The following MAML2 variants were observed in gnomAD, a reference collection of about 807,000 sequenced individuals.
MAML2 encodes mastermind like transcriptional coactivator 2.
A neutral mutation model predicts 96.1 loss-of-function variants in MAML2; 22 were observed. That is an observed-to-expected ratio of 0.23 (90% confidence interval 0.16 to 0.33). The LOEUF is 0.33. MAML2 is among the 10% of genes least tolerant of loss of function. The probability of loss-of-function intolerance (pLI) is 1.00; values close to 1 mark genes in which losing one functional copy is unlikely to be tolerated. For missense variants in MAML2, 1,367 were observed against 1,392.4 expected, an observed-to-expected ratio of 0.98 and a Z score of 0.29; for synonymous variants, 561 against 521.3, an observed-to-expected ratio of 1.08 and a Z score of -1.04.
At chr11:96,242,125 A>T (rs1862446165) in intron 1 of MAML2, among the ~76,000 whole-genome samples, 1 of 152,192 alleles carries the variant, frequency 6.6e-6, no homozygotes, top group Admixed American at 6.5e-5. Flanking sequence ...TCTCAAGAGG[A>T]TTCAACAATG....
intron 2 of MAML2, among the ~76,000 whole-genome samples, chr11:96,083,181 G>A (rs1859554814): frequency 6.6e-6 from 1 of 152,206 alleles, no homozygotes; most frequent in Admixed American, 6.5e-5. Flanking sequence ...TCTTTATCCT[G>A]CTACTAGAGT....
chr11:96,044,003 C>T (rs1478792588), intron 2 of MAML2, among the ~76,000 whole-genome samples: 1 of 152,184 alleles, frequency 6.6e-6, no homozygotes, highest in Non-Finnish European at 1.5e-5. Context: ...GGGCCTATGG[C>T]CCATGGAGAC....
At chr11:96,097,022 CTG>C (rs10547231) in intron 1 of MAML2, among the ~76,000 whole-genome samples, 122,366 of 151,964 alleles carry the variant, frequency 0.81, 49,476 homozygotes, top group Middle Eastern at 0.89. Context: ...CCGAGGCCCA[CTG>C]TGAATGCCTA....
At chr11:95,986,882 T>C (rs966935359) in intron 3 of MAML2, among the ~76,000 whole-genome samples, 2 of 152,176 alleles carry the variant, frequency 1.3e-5, no homozygotes, top group Non-Finnish European at 2.9e-5. Context: ...TAGGTGACTT[T>C]GGAAGCTAAG....
chr11:96,200,737 G>A (rs539880105), intron 1 of MAML2, among the ~76,000 whole-genome samples: 55 of 152,240 alleles, frequency 3.6e-4, no homozygotes, highest in African/African-American at 1.2e-3. Flanking sequence ...GGAGGGTGGT[G>A]GGGGGATACG....
At chr11:96,177,608 C>T (rs1861407404) in intron 1 of MAML2, among the ~76,000 whole-genome samples, 1 of 152,132 alleles carries the variant, frequency 6.6e-6, no homozygotes, top group Non-Finnish European at 1.5e-5. Context: ...TAAAATACAC[C>T]TAGAAATATA....
In MAML2 at chr11:95,979,539, G is replaced by A. The variant is rs2135698146; in HGVS notation, c.2880C>T (p.Asn960=). The change falls in exon 5 of 5, where the codon AAC becomes AAT. Residue 960 remains asparagine, a synonymous_variant. Transcript: ENST00000524717. ...QRTSNVMITS[N]TTAPNWASQE... ...GAGAGGCCCAGTTTGGTGCAGTTGT[G>A]TTGGATGTGATCATTACGTTTGATG... 3.1e-6 allele frequency: 5 copies of A among 1,613,850 alleles called. No homozygotes were observed. The African/African-American group carries it at 5.3e-5, about 17-fold the overall frequency.
chr11:96,093,404 C>T lies in MAML2; in HGVS notation c.627G>A (p.Gly209=). ...SFLDIKRIRV[G]ENLSAGQGGL... Reference sequence around the variant, plus strand: ...CACCTTGTCCTGCAGAGAGATTCTCCCCAACACGAATTCTTTTGATATCAA... The same window carrying T: ...CACCTTGTCCTGCAGAGAGATTCTCTCCAACACGAATTCTTTTGATATCAA... Residue 209 remains glycine (G), a synonymous_variant, in exon 2 of 5, where the codon GGG becomes GGA. Coordinates refer to ENST00000524717, the MANE Select transcript of MAML2 (RefSeq NM_032427.4). The T allele has an allele frequency of 6.2e-7, 1 of 1,613,970 alleles. No homozygotes were observed. Among genetic ancestry groups the T allele is most frequent in the South Asian group, 1.1e-5 (1 of 91,082 alleles).
chr11:96,126,089 G>A (rs1375266270), intron 1 of MAML2, among the ~76,000 whole-genome samples: 1 of 152,182 alleles, frequency 6.6e-6, no homozygotes, highest in East Asian at 1.9e-4. Context: ...TTCGTGACAT[G>A]CTGACTTATA....
chr11:96,213,030 C>A (rs1291116225), intron 1 of MAML2, among the ~76,000 whole-genome samples: 1 of 152,134 alleles, frequency 6.6e-6, no homozygotes, highest in Non-Finnish European at 1.5e-5. Context: ...ATACCAAGAG[C>A]CCATCTGGTC....
intron 2 of MAML2, among the ~76,000 whole-genome samples, chr11:96,006,872 T>TACACACACAC (rs57492080): frequency 3.1e-4 from 39 of 124,046 alleles, no homozygotes; most frequent in South Asian, 7.6e-4. Context: ...GAATATCTTA[T>TACACACACAC]ACACACACAC....
intron 4 of MAML2, among the ~76,000 whole-genome samples, chr11:95,984,091 T>C (rs1857786711): frequency 2.0e-5 from 3 of 152,180 alleles, no homozygotes. Context: ...TTTAATTATA[T>C]TTTACTGTAC....
At chr11:96,271,838 G>A (rs1862919521) in intron 1 of MAML2, among the ~76,000 whole-genome samples, 1 of 152,116 alleles carries the variant, frequency 6.6e-6, no homozygotes. Flanking sequence ...TGGTCTACAA[G>A]GCCGTATGCA....
At chr11:96,277,716 C>T (rs1321519023) in intron 1 of MAML2, among the ~76,000 whole-genome samples, 1 of 131,644 alleles carries the variant, frequency 7.6e-6, no homozygotes, top group African/African-American at 2.9e-5. Context: ...CCAGCCTGGG[C>T]AACAGACACT....
intron 2 of MAML2, among the ~76,000 whole-genome samples, chr11:96,008,802 C>T (rs970587887): frequency 2.6e-5 from 4 of 152,188 alleles, no homozygotes; most frequent in Admixed American, 1.3e-4. Context: ...ACGGAGTCAA[C>T]TAGCTGTTTT....
chr11:96,031,335 TTG>T (rs10596374), intron 2 of MAML2, among the ~76,000 whole-genome samples: 3,040 of 150,224 alleles, frequency 0.02, 85 homozygotes, highest in Admixed American at 0.083. Flanking sequence ...ATTTAACAGT[TTG>T]TGTGTGTGTG....
rs1362509588 is a variant in MAML2 at position 95,985,512 on chromosome 11, A to C, written c.2455+19T>G. 6.9e-7 allele frequency: 1 copy of C among 1,448,626 alleles called. No individual in the cohort carries two copies. The highest frequency in any genetic ancestry group is 1.4e-5 in the African/African-American group (1 of 70,376). The allele number at this position is 1,448,626 out of a possible 1,614,324, so 89.7% of individuals were successfully genotyped here. On this transcript the variant is annotated intron_variant, in intron 4 of 4. Transcript: ENST00000524717. ...TCCTTTCACAGCTATAATTTTTATT[A>C]ATTTTTAAGAACACTTACCAGAATA...
chr11:96,253,510 C>T lies in MAML2; in HGVS notation c.513+87873G>A, dbSNP rs187578949. On this transcript the variant is annotated intron_variant, in intron 1 of 4. Coordinates refer to ENST00000524717, the MANE Select transcript of MAML2 (RefSeq NM_032427.4). ...CCATGCCATCTTGTTTACGAAGCAG[C>T]TAATGTTGTTACTTCTGTACTCAAG... is the stretch of plus-strand genomic sequence containing the variant. Among the ~76,000 whole-genome samples, 4 of 152,328 alleles carry T rather than the reference C, an allele frequency of 2.6e-5. No individual in the cohort carries two copies. In the East Asian group the frequency reaches 7.7e-4, roughly 29 times the overall value.
intron 1 of MAML2, among the ~76,000 whole-genome samples, chr11:96,186,365 G>A (rs34486390): frequency 0.089 from 13,477 of 152,190 alleles, 665 homozygotes; most frequent in African/African-American, 0.1. Context: ...CACGGTGGGC[G>A]GATCACCTGA....
Sources: gnomAD v4.1 joint callset for allele counts (sites outside exome capture counted in the v4.1 genomes callset) on GRCh38, gnomAD v4.1.1 for gene constraint, MANE v1.5 for transcripts, NCBI Gene and HGNC (gene_info 2026-07-23, HGNC 2026-07-21) for gene names.